Variants in LRRC75B observed in about 807,000 individuals in gnomAD.
LRRC75B encodes the protein leucine-rich repeat-containing protein 75B.
A neutral mutation model predicts 16.5 loss-of-function variants in LRRC75B; 20 were observed. The observed-to-expected ratio is 1.21, with a 90% CI of 0.85 to 1.76. The LOEUF (loss-of-function observed/expected upper bound fraction) is 1.76, where lower values mean the gene tolerates loss of function less well. Among genes scored for constraint, LRRC75B ranks in the 40% most tolerant of loss-of-function variants. LRRC75B has a pLI of 0.00. For synonymous variants in LRRC75B, 199 were observed against 198.1 expected (o/e 1.00, Z -0.04); for missense variants, 406 against 417.0 (o/e 0.97, Z 0.23).
intron 1 of LRRC75B, chr22:24,592,131 G>A (rs1365139862): frequency 2.6e-6 from 1 of 378,762 alleles, no homozygotes; most frequent in African/African-American, 2.1e-5. Context: ...GTGGGGACGG[G>A]GTGGTGAGGG....
Position 24,586,365 on chromosome 22 carries a change from CCA to C in LRRC75B, c.467_468del (p.Val156GlyfsTer38), listed in dbSNP as rs1248944949. ...LQKTLLAGETVDLSGIPLSTQ... is the reference protein window; with the variant it reads ...LQKTLLAGETXDLSGIPLSTQ... ...GTCGACAGCGGGATGCCTGAGAGGT[CCA>C]CAGTCTCCCCTGCCAGCAGAGTCTT... On this transcript the variant is annotated frameshift_variant, in exon 4 of 4. Transcript: ENST00000318753. LOFTEE classifies it low-confidence loss of function (END_TRUNC). The C allele has an allele frequency of 6.2e-7, 1 of 1,613,824 alleles. No individual in the cohort carries two copies.
chr22:24,586,196 A>T lies in LRRC75B; in HGVS notation c.638T>A (p.Leu213His), dbSNP rs926596214. 4 of 1,613,856 alleles carry T rather than the reference A, an allele frequency of 2.5e-6. No homozygotes were observed. The highest frequency in any genetic ancestry group is 3.4e-6 in the Non-Finnish European group (4 of 1,180,008). ...SLWALPRLTQ[L>H]LLNGNRLTRA... is the part of the protein sequence containing the mutation. ...CGTCAGTCGGTTGCCGTTGAGCAGG[A>T]GCTGGGTGAGGCGGGGCAGCGCCCA... Residue 213 changes from leucine (L) to histidine (H), a missense_variant, in exon 4 of 4, where the codon CTC becomes CAC. Transcript: ENST00000318753.
chr22:24,588,905 C>A, intron 2 of LRRC75B: 1 of 1,002,940 alleles, frequency 1.0e-6, no homozygotes, highest in Non-Finnish European at 1.2e-6. Flanking sequence ...CGGCAGAGGC[C>A]CAGCTCAGGG....
intron 3 of LRRC75B, among the ~76,000 whole-genome samples, chr22:24,587,768 G>C (rs112636236): frequency 1.3e-5 from 2 of 152,182 alleles, no homozygotes; most frequent in South Asian, 4.1e-4. Flanking sequence ...GGAAAATCAG[G>C]GTAGAGTGTG....
chr22:24,587,290 G>A (rs552557707), intron 3 of LRRC75B, among the ~76,000 whole-genome samples: 7 of 152,326 alleles, frequency 4.6e-5, no homozygotes, highest in Admixed American at 2.6e-4. Context: ...ATGAGGGAGG[G>A]CTCCCCGTGT....
At chr22:24,592,051 G>A (rs1289206642) in intron 1 of LRRC75B, among the ~76,000 whole-genome samples, 2 of 152,198 alleles carry the variant, frequency 1.3e-5, no homozygotes. Flanking sequence ...CCTTCTGCAG[G>A]CCGAACACCT....
At chr22:24,588,562 G>A in intron 2 of LRRC75B, 1 of 811,942 alleles carries the variant, frequency 1.2e-6, no homozygotes. Flanking sequence ...GTCCCGCAGT[G>A]CCCGGCGGGA....
Position 24,592,868 on chromosome 22 carries a change from G to T in LRRC75B, c.172C>A (p.Arg58Ser). 4.7e-6 allele frequency: 6 copies of T among 1,282,896 alleles called. No individual in the cohort carries two copies. The highest frequency in any genetic ancestry group is 3.0e-4 in the Middle Eastern group (1 of 3,332). 79.5% of individuals were successfully genotyped at this position (1,282,896 alleles called of 1,614,324 possible). The change falls in exon 1 of 4, where the codon CGC (arginine) becomes AGC (serine). Residue 58 changes from arginine to serine, a missense_variant. Arg to Ser is a moderately radical substitution (Grantham distance 110, BLOSUM62 -1). Coordinates refer to ENST00000318753, the MANE Select transcript of LRRC75B (RefSeq NM_207644.3). ...CGGACGGCTCCTTCTCTCGCCTGGC[G>T]CAGGAGGCGCAGCAGCTGCCGGGCG... ...ERARQLLRLL[R>S]QDLGLERTLL...
intron 1 of LRRC75B, chr22:24,592,358 T>G (rs1569039294): frequency 2.1e-6 from 1 of 470,650 alleles, no homozygotes; most frequent in Non-Finnish European, 4.4e-6. Context: ...CATGGTGTCT[T>G]GGGGTGAGGC....
Position 24,585,885 on chromosome 22 carries a change from G to T in LRRC75B, c.*1C>A. The T allele has an allele frequency of 6.3e-7, 1 of 1,576,218 alleles. No homozygotes were observed. The highest frequency in any genetic ancestry group is 8.6e-7 in the Non-Finnish European group (1 of 1,162,622). ...TAGCAATGAGCCAGGTGGGTGGTGG[G>T]TCACCTGGCACAGCAGGCCTGGGGC... is the stretch of plus-strand genomic sequence containing the variant. On this transcript the variant is annotated 3_prime_UTR_variant, in exon 4 of 4. Coordinates refer to ENST00000318753, the MANE Select transcript of LRRC75B (RefSeq NM_207644.3).
In LRRC75B at chr22:24,592,926, G is replaced by T; in HGVS notation, c.114C>A (p.Ile38=). 2 of 1,252,148 alleles carry T rather than the reference G, an allele frequency of 1.6e-6. No individual in the cohort carries two copies. Among genetic ancestry groups the T allele is most frequent in the South Asian group, 2.7e-5 (1 of 36,430 alleles). The allele number at this position is 1,252,148 out of a possible 1,614,324, so 77.6% of individuals were successfully genotyped here. ...GCCGCCGCTCGCGGAGCGTGGACTGGATCTCGCGGAGCCACCGCACCCGGC... is the reference window on the plus strand; with the variant it reads ...GCCGCCGCTCGCGGAGCGTGGACTGTATCTCGCGGAGCCACCGCACCCGGC... ...YERRVRWLRE[I]QSTLRERRPE... Residue 38 remains isoleucine, a synonymous_variant, in exon 1 of 4, where the codon ATC becomes ATA. Coordinates refer to ENST00000318753, the MANE Select transcript of LRRC75B (RefSeq NM_207644.3).
At position 24,592,898 on chromosome 22, in the gene LRRC75B, C is replaced by G. The variant is rs747416487; in HGVS notation, c.142G>C (p.Glu48Gln). 3.4e-5 allele frequency: 43 copies of G among 1,281,132 alleles called. No individual in the cohort carries two copies. Among genetic ancestry groups the G allele is most frequent in the East Asian group, 9.6e-5 (3 of 31,364 alleles). The allele number at this position is 1,281,132 out of a possible 1,614,324, so 79.4% of individuals were successfully genotyped here. A position where few individuals can be genotyped will look rare whatever the true frequency, so the allele number is the denominator to read the frequency against. The change falls in exon 1 of 4, where the codon GAG becomes CAG. Residue 48 changes from glutamate (E) to glutamine (Q), a missense_variant. Glu to Gln is a conservative substitution (Grantham distance 29, BLOSUM62 2). Transcript: ENST00000318753. ...IQSTLRERRP[E>Q]RARQLLRLLR... The stretch of plus-strand genomic sequence containing the variant: ...AGGCGCAGCAGCTGCCGGGCGCGCT[C>G]CGGCCGCCGCTCGCGGAGCGTGGAC...
chr22:24,592,246 G>T, intron 1 of LRRC75B: 1 of 460,948 alleles, frequency 2.2e-6, no homozygotes. Context: ...AGCCACCACC[G>T]GACCGAGTGT....
intron 1 of LRRC75B, 83 bp from the exon 2 acceptor site, chr22:24,590,032 A>T: frequency 7.0e-7 from 1 of 1,424,978 alleles, no homozygotes; most frequent in Non-Finnish European, 9.3e-7. Context: ...GATGCTGCTT[A>T]TGCCCGTTCC....
intron 2 of LRRC75B, 58 bp from the exon 3 acceptor site, chr22:24,588,387 C>T (rs1203017406): frequency 7.3e-7 from 1 of 1,371,804 alleles, no homozygotes. Context: ...ACCTCAGGGC[C>T]TTGGGGAGAG....
At chr22:24,587,250 G>A (rs1229731024) in intron 3 of LRRC75B, among the ~76,000 whole-genome samples, 1 of 152,204 alleles carries the variant, frequency 6.6e-6, no homozygotes, top group African/African-American at 2.4e-5. Flanking sequence ...TGAAAGGGGA[G>A]GTCCTGGGTG....
Position 24,586,414 on chromosome 22 carries a change from A to G in LRRC75B, c.423-3T>C. ...TCTTCTGGAGGCTGCTCTTGAGGCT[A>G]TGGGAGAGTGGCAGGTGGGGATGGA... On this transcript the variant is annotated splice_polypyrimidine_tract_variant and splice_region_variant and intron_variant, in intron 3 of 3. Transcript: ENST00000318753. 1 of 1,605,974 alleles carries G rather than the reference A, an allele frequency of 6.2e-7. No homozygotes were observed. Among genetic ancestry groups the G allele is most frequent in the Non-Finnish European group, 8.5e-7 (1 of 1,174,950 alleles).
At chr22:24,589,147 G>A in intron 2 of LRRC75B, 1 of 1,141,232 alleles carries the variant, frequency 8.8e-7, no homozygotes, top group Non-Finnish European at 1.1e-6. Context: ...GTTTTGGTTG[G>A]GGACTCACTG....
rs771322335 is a variant in LRRC75B, at chr22:24,586,106, C to T, written c.728G>A (p.Trp243Ter). 6.2e-7 allele frequency: 1 copy of T among 1,612,914 alleles called. No individual in the cohort carries two copies. Among genetic ancestry groups the T allele is most frequent in the Non-Finnish European group, 8.5e-7 (1 of 1,179,962 alleles). ...ATCCACGTTGTTGCCCAGGTCCACC[C>T]AAGCCAAAGCAGGGAACTTGGTGGT... ...KDTTKFPALA[W>*]VDLGNNVDVA... Residue 243 changes from tryptophan (W) to a stop codon, truncating the protein, a stop_gained, in exon 4 of 4, where the codon TGG becomes TAG. Transcript: ENST00000318753. LOFTEE classifies it low-confidence loss of function (END_TRUNC).
Sources: allele counts gnomAD v4.1 joint callset (sites outside exome capture counted in the v4.1 genomes callset), GRCh38; gene constraint gnomAD v4.1.1; transcripts MANE v1.5; gene names NCBI Gene and HGNC (gene_info 2026-07-23, HGNC 2026-07-21).